The following ANKRD36C variants were observed in gnomAD, a reference collection of about 807,000 sequenced individuals.
The protein encoded by ANKRD36C is ankyrin repeat domain-containing protein 36C.
Under a neutral mutation model 276.4 loss-of-function variants are expected in ANKRD36C, and 61 were observed. The observed-to-expected ratio is 0.22, with a 90% confidence interval of 0.18 to 0.27. The LOEUF (loss-of-function observed/expected upper bound fraction) is 0.27. Ranked by LOEUF, ANKRD36C falls within the 10% of genes least tolerant of loss-of-function variation. ANKRD36C has a pLI of 1.00. For synonymous variants in ANKRD36C, 483 were observed against 680.1 expected (o/e 0.71, Z 4.51); for missense variants, 1,447 against 2,032.3 (o/e 0.71, Z 5.54).
intron 4 of ANKRD36C, among the ~76,000 whole-genome samples, chr2:95,981,183 A>T (rs1229216004): frequency 6.6e-6 from 1 of 151,796 alleles, no homozygotes; most frequent in Non-Finnish European, 1.5e-5. Flanking sequence ...TAAAACAATA[A>T]TATTAATAGG....
chr2:95,938,018 G>T (rs1425164166), intron 22 of ANKRD36C, among the ~76,000 whole-genome samples: 3 of 151,996 alleles, frequency 2.0e-5, no homozygotes, highest in Admixed American at 1.3e-4. Context: ...TGTCAACCTG[G>T]ACAGATCTGA....
At chr2:95,859,761 G>A in intron 61 of ANKRD36C, 100 bp downstream of exon 81, 4 of 1,354,010 alleles carry the variant, frequency 3.0e-6, no homozygotes, top group Non-Finnish European at 4.0e-6. Context: ...TTTCTTCCCT[G>A]TTAAATCCTA....
At chr2:95,971,863 A>G (rs1410326009) in intron 6 of ANKRD36C, among the ~76,000 whole-genome samples, 3 of 152,182 alleles carry the variant, frequency 2.0e-5, no homozygotes, top group Non-Finnish European at 2.9e-5. Flanking sequence ...AACAGACTAT[A>G]ATTACCTAAT....
chr2:95,949,176 G>C (rs1469988225), intron 16 of ANKRD36C, among the ~76,000 whole-genome samples: 1 of 152,152 alleles, frequency 6.6e-6, no homozygotes, highest in Non-Finnish European at 1.5e-5. Flanking sequence ...AACTGCAAAT[G>C]TTTGAAAGCT....
At chr2:95,961,203 AAT>A (rs1678450386) in intron 8 of ANKRD36C, among the ~76,000 whole-genome samples, 1 of 152,072 alleles carries the variant, frequency 6.6e-6, no homozygotes, top group Non-Finnish European at 1.5e-5. Flanking sequence ...GATCAGCTTA[AAT>A]ATATGTTTGG....
At chr2:95,933,744 C>T (rs537015552) in intron 24 of ANKRD36C, among the ~76,000 whole-genome samples, 1 of 152,280 alleles carries the variant, frequency 6.6e-6, no homozygotes, top group Non-Finnish European at 1.5e-5. Context: ...TCCTTTCTTC[C>T]TATTTGAATA....
rs1380553745 is a variant in ANKRD36C at position 95,891,757 on chromosome 2, A to C, written c.2785-20T>G. On this transcript the variant is annotated intron_variant, in intron 45 of 66. Coordinates refer to ENST00000456556, the Ensembl canonical transcript of ANKRD36C. ...TGTAGCCTGAATGGAATTTGAAATGAAATAATAAATTAATAAAGTATGTTT... is the reference window on the plus strand; with the variant it reads ...TGTAGCCTGAATGGAATTTGAAATGCAATAATAAATTAATAAAGTATGTTT... The C allele has an allele frequency of 1.1e-5, 18 of 1,570,010 alleles. No homozygotes were observed. Among genetic ancestry groups the C allele is most frequent in the Middle Eastern group, 1.7e-4 (1 of 5,730 alleles).
chr2:95,968,149 T>C (rs1210245039), intron 6 of ANKRD36C, among the ~76,000 whole-genome samples: 1 of 152,118 alleles, frequency 6.6e-6, no homozygotes, highest in Non-Finnish European at 1.5e-5. Context: ...GGAAAAAAAG[T>C]ATAAGACTTT....
intron 66 of ANKRD36C, among the ~76,000 whole-genome samples, 196 bp downstream of exon 86, chr2:95,851,497 AT>A (rs1402190522): frequency 6.6e-6 from 1 of 152,254 alleles, no homozygotes; most frequent in East Asian, 1.9e-4. Context: ...CATAAGGTAT[AT>A]ATGAAACATA....
At chr2:95,984,835 A>T (rs1204344085) in intron 3 of ANKRD36C, among the ~76,000 whole-genome samples, 2 of 152,178 alleles carry the variant, frequency 1.3e-5, no homozygotes, top group African/African-American at 4.8e-5. Flanking sequence ...CAGAAATAAA[A>T]ATACAATGGC....
At position 95,897,274 on chromosome 2, in the gene ANKRD36C, C is replaced by A. The variant is rs1676579609; in HGVS notation, c.2755+1871G>T. On this transcript the variant is annotated intron_variant, in intron 44 of 66. Transcript: ENST00000456556. ...TAAATCTCTTTTCAAAATTACCTCT[C>A]CTAGTTTTTTCTCCATGCTTTTTTC... 9 of 1,507,220 alleles carry A rather than the reference C, an allele frequency of 6.0e-6. No homozygotes were observed. The South Asian group carries it at 1.1e-4, about 18-fold the overall frequency. The allele number at this position is 1,507,220 out of a possible 1,614,324, so 93.4% of individuals were successfully genotyped here.
chr2:95,941,256 G>C, intron 19 of ANKRD36C, 57 bp from the exon 20 acceptor site: 1 of 1,380,306 alleles, frequency 7.2e-7, no homozygotes, highest in Middle Eastern at 2.0e-4. Flanking sequence ...TACTCAATCG[G>C]TCAGTAATTC....
intron 22 of ANKRD36C, among the ~76,000 whole-genome samples, chr2:95,937,490 C>T (rs77217824): frequency 1.3e-5 from 2 of 152,420 alleles, no homozygotes. Flanking sequence ...TTCAGAAAAG[C>T]ACAAAATACA....
At chr2:95,975,595 T>G (rs1424666528) in intron 6 of ANKRD36C, among the ~76,000 whole-genome samples, 1 of 152,136 alleles carries the variant, frequency 6.6e-6, no homozygotes, top group Non-Finnish European at 1.5e-5. Flanking sequence ...TGAAACTGGA[T>G]CCCTTCCTTA....
exon 28 of ANKRD36C, chr2:95,927,286 C>G: frequency 6.2e-7 from 1 of 1,609,798 alleles, no homozygotes; most frequent in Non-Finnish European, 8.5e-7. Flanking sequence ...TCACTTGTAG[C>G]CTGAATGGGA....
intron 41 of ANKRD36C, 42 bp downstream of exon 43, chr2:95,912,365 T>A (rs1343523797): frequency 6.2e-7 from 1 of 1,603,440 alleles, no homozygotes; most frequent in African/African-American, 1.3e-5. Context: ...TTTCATAGGC[T>A]TTACGTTTAC....
intron 48 of ANKRD36C, among the ~76,000 whole-genome samples, chr2:95,889,488 C>T (rs1676282869): frequency 6.6e-6 from 1 of 151,494 alleles, no homozygotes; most frequent in South Asian, 2.1e-4. Flanking sequence ...CTTTCTCTTT[C>T]CCCTCTTGAT....
At chr2:95,972,583 G>A (rs1678721495) in intron 6 of ANKRD36C, among the ~76,000 whole-genome samples, 1 of 152,142 alleles carries the variant, frequency 6.6e-6, no homozygotes, top group African/African-American at 2.4e-5. Flanking sequence ...CCTTCTAAGT[G>A]AATCGCCAAA....
intron 42 of ANKRD36C, chr2:95,907,296 C>G (rs965357525): frequency 1.5e-5 from 1 of 65,506 alleles, no homozygotes; most frequent in African/African-American, 6.3e-5. Context: ...TACGATGACA[C>G]TCCAGCTGAA....
Sources: allele counts gnomAD v4.1 joint callset (sites outside exome capture counted in the v4.1 genomes callset), GRCh38; gene constraint gnomAD v4.1.1; transcripts MANE v1.5; gene names NCBI Gene and HGNC (gene_info 2026-07-23, HGNC 2026-07-21).